Variants in NBAS observed in about 807,000 individuals in gnomAD.
The protein encoded by NBAS is NAG/BC035112 fusion.
A neutral mutation model predicts 302.5 loss-of-function variants in NBAS; 219 were observed. The observed-to-expected ratio is 0.72, with a 90% CI of 0.65 to 0.81. The LOEUF is 0.81. Among genes scored for constraint, NBAS ranks in the 30% least tolerant of loss-of-function variants. NBAS has a pLI of 0.00. For synonymous variants in NBAS, 1,118 were observed against 1,021.6 expected, an observed-to-expected ratio of 1.09 and a Z score of -1.80; for missense variants, 2,932 against 2,841.6, an observed-to-expected ratio of 1.03 and a Z score of -0.72.
chr2:15,510,083 C>T (rs981806908), intron 10 of NBAS, among the ~76,000 whole-genome samples: 5 of 152,176 alleles, frequency 3.3e-5, no homozygotes, highest in African/African-American at 4.8e-5. Context: ...CTCCTGACCT[C>T]GTGATCCACC....
rs1358663260 is a variant in NBAS at position 15,184,168 on chromosome 2, T to C, written c.6711+2574A>G. Among the ~76,000 whole-genome samples, 6 of 152,136 alleles carry C rather than the reference T, an allele frequency of 3.9e-5. No individual in the cohort carries two copies. The East Asian group carries it at 1.2e-3, about 29-fold the overall frequency. Reference sequence around the variant, plus strand: ...TATTACTGCCATGGACACAGATATGTCTAGGACTTATTCCCAGGCGGCTAA... The same window carrying C: ...TATTACTGCCATGGACACAGATATGCCTAGGACTTATTCCCAGGCGGCTAA... On this transcript the variant is annotated intron_variant, in intron 50 of 51. Coordinates refer to ENST00000281513, the MANE Select transcript of NBAS (RefSeq NM_015909.4).
chr2:15,511,400 G>A (rs1370777877), intron 9 of NBAS, 50 bp from the exon 10 acceptor site: 3 of 1,551,958 alleles, frequency 1.9e-6, no homozygotes, highest in Non-Finnish European at 2.7e-6. Flanking sequence ...ATATAAATAA[G>A]AGCAAAACAA....
the NBAS span, among the ~76,000 whole-genome samples, chr2:14,785,551 G>C: frequency 1.3e-5 from 2 of 152,122 alleles, no homozygotes; most frequent in Non-Finnish European, 2.9e-5. Context: ...TTTTGTCAAA[G>C]GCCTTTTCTG....
intron 11 of NBAS, among the ~76,000 whole-genome samples, chr2:15,492,279 T>G (rs1185249516): frequency 1.3e-5 from 2 of 152,188 alleles, no homozygotes; most frequent in Non-Finnish European, 1.5e-5. Context: ...ACACATCAAG[T>G]ATGCATTTCT....
chr2:15,120,898 C>T, the NBAS span, among the ~76,000 whole-genome samples: 1 of 152,190 alleles, frequency 6.6e-6, no homozygotes, highest in Non-Finnish European at 1.5e-5. Flanking sequence ...ATCTCTGGGA[C>T]GGCAGGGGTT....
intron 6 of NBAS, among the ~76,000 whole-genome samples, chr2:15,545,681 C>T (rs1297611504): frequency 6.6e-6 from 1 of 152,162 alleles, no homozygotes; most frequent in Admixed American, 6.5e-5. Context: ...TACAAGAAAA[C>T]TCCAAGTTTC....
chr2:15,324,719 G>T (rs1671984396), intron 38 of NBAS, among the ~76,000 whole-genome samples: 1 of 152,170 alleles, frequency 6.6e-6, no homozygotes, highest in Non-Finnish European at 1.5e-5. Context: ...TAGCACACAG[G>T]TGGCTCGAGG....
At chr2:15,344,464 AAAGGTG>A (rs549964165) in intron 35 of NBAS, among the ~76,000 whole-genome samples, 159 of 152,238 alleles carry the variant, frequency 1.0e-3, no homozygotes, top group African/African-American at 3.7e-3. Flanking sequence ...AAACCAAGAA[AAAGGTG>A]AATCCCGGAA....
Position 15,432,406 on chromosome 2 carries a change from C to A in NBAS, c.2340-4612G>T, listed in dbSNP as rs541230738. Among the ~76,000 whole-genome samples, 110 of 152,046 alleles carry A rather than the reference C, an allele frequency of 7.2e-4. 1 individual carries two copies. The highest frequency in any genetic ancestry group is 2.4e-3 in the African/African-American group (101 of 41,484). ...TTGTTTTATTTCAAACAATAAACTACGCTGGCTTTCATTTGATGGTAACAT... is the reference window on the plus strand; with the variant it reads ...TTGTTTTATTTCAAACAATAAACTAAGCTGGCTTTCATTTGATGGTAACAT... On this transcript the variant is annotated intron_variant, in intron 21 of 51. Coordinates refer to ENST00000281513, the MANE Select transcript of NBAS (RefSeq NM_015909.4).
intron 51 of NBAS, among the ~76,000 whole-genome samples, chr2:15,174,777 T>C (rs1006329113): frequency 6.6e-6 from 1 of 152,210 alleles, no homozygotes; most frequent in African/African-American, 2.4e-5. Flanking sequence ...GGCTGCTTAC[T>C]AGCTGTGTGA....
chr2:15,380,631 C>T (rs953233353), intron 29 of NBAS, among the ~76,000 whole-genome samples: 2 of 150,334 alleles, frequency 1.3e-5, no homozygotes, highest in Non-Finnish European at 3.0e-5. Flanking sequence ...AGACAACTAA[C>T]AACATCAATT....
At chr2:14,901,034 G>A in the NBAS span, among the ~76,000 whole-genome samples, 1 of 152,186 alleles carries the variant, frequency 6.6e-6, no homozygotes, top group Non-Finnish European at 1.5e-5. Flanking sequence ...CTATCTTAAG[G>A]ACTTGAAATT....
intron 21 of NBAS, among the ~76,000 whole-genome samples, chr2:15,456,204 A>T (rs1397303306): frequency 6.6e-6 from 1 of 152,226 alleles, no homozygotes; most frequent in Non-Finnish European, 1.5e-5. Flanking sequence ...TGACAATATA[A>T]AACACAAAAA....
chr2:14,927,724 T>C, the NBAS span, among the ~76,000 whole-genome samples: 1 of 152,226 alleles, frequency 6.6e-6, no homozygotes, highest in South Asian at 2.1e-4. Context: ...TATTTTCTGA[T>C]TGTTTTTATC....
chr2:15,101,762 T>C, the NBAS span, among the ~76,000 whole-genome samples: 1 of 152,204 alleles, frequency 6.6e-6, no homozygotes, highest in Non-Finnish European at 1.5e-5. Flanking sequence ...ATTGTCCTCA[T>C]GACAACAGGG....
intron 15 of NBAS, 26 bp downstream of exon 15, chr2:15,474,039 CTT>C (rs754900425): frequency 1.3e-5 from 21 of 1,613,872 alleles, no homozygotes; most frequent in Non-Finnish European, 1.8e-5. Flanking sequence ...TGACTTCAAA[CTT>C]GGGTAGTAAT....
the NBAS span, among the ~76,000 whole-genome samples, chr2:14,972,089 G>T: frequency 2.6e-5 from 4 of 152,084 alleles, no homozygotes; most frequent in East Asian, 1.9e-4. Context: ...ACAAAATGTG[G>T]TACACATACA....
the NBAS span, among the ~76,000 whole-genome samples, chr2:15,074,472 G>A: frequency 1.2e-3 from 183 of 151,896 alleles, 2 homozygotes; most frequent in East Asian, 0.019. Context: ...AAAAAATAAT[G>A]TATTTATAAT....
the NBAS span, among the ~76,000 whole-genome samples, chr2:14,971,339 A>T: frequency 6.6e-6 from 1 of 151,968 alleles, no homozygotes; most frequent in Non-Finnish European, 1.5e-5. Flanking sequence ...ACATGGTGAA[A>T]CCCCGTCTCT....
Sources: allele counts gnomAD v4.1 joint callset (sites outside exome capture counted in the v4.1 genomes callset), GRCh38; gene constraint gnomAD v4.1.1; transcripts MANE v1.5; gene names NCBI Gene and HGNC (gene_info 2026-07-23, HGNC 2026-07-21).